EML6: variants seen among roughly 807,000 people sequenced by gnomAD.
The protein encoded by EML6 is EMAP like 6, also known as echinoderm microtubule-associated protein-like 6.
EML6 carries 154 observed loss-of-function variants against 240.1 expected under a neutral mutation model. That is an observed-to-expected ratio of 0.64 (90% CI 0.56 to 0.73). The LOEUF is 0.73. Ranked by LOEUF, EML6 falls within the 30% of genes least tolerant of loss-of-function variation. The pLI is 0.00. For missense variants in EML6, 2,964 were observed against 2,474.6 expected, an observed-to-expected ratio of 1.20 and a Z score of -4.20; for synonymous variants, 1,148 against 899.0, an observed-to-expected ratio of 1.28 and a Z score of -4.95.
At chr2:54,916,406 C>G (rs1413212665) in intron 25 of EML6, among the ~76,000 whole-genome samples, 2 of 152,226 alleles carry the variant, frequency 1.3e-5, no homozygotes, top group Non-Finnish European at 2.9e-5. Flanking sequence ...AAAGAATTTT[C>G]CAGCCTAAGA....
intron 32 of EML6, among the ~76,000 whole-genome samples, chr2:54,955,311 A>G (rs1393103067): frequency 6.6e-6 from 1 of 152,168 alleles, no homozygotes; most frequent in Non-Finnish European, 1.5e-5. Context: ...TGGAGTGGGA[A>G]GAACTAGAGA....
intron 38 of EML6, among the ~76,000 whole-genome samples, chr2:54,965,072 G>A (rs888735036): frequency 8.5e-5 from 13 of 152,104 alleles, no homozygotes; most frequent in African/African-American, 3.1e-4. Flanking sequence ...GCCGCTTCTG[G>A]TATTTATTCA....
At chr2:54,852,740 A>T (rs1410188376) in intron 10 of EML6, among the ~76,000 whole-genome samples, 1 of 152,248 alleles carries the variant, frequency 6.6e-6, no homozygotes, top group Admixed American at 6.5e-5. Flanking sequence ...CACCAGTATT[A>T]TATAAGGGCA....
chr2:54,877,600 C>G (rs1349698107), intron 16 of EML6, among the ~76,000 whole-genome samples: 1 of 152,182 alleles, frequency 6.6e-6, no homozygotes, highest in Non-Finnish European at 1.5e-5. Flanking sequence ...AATAGGAAGT[C>G]ATTACCAATT....
chr2:54,959,215 A>G lies in EML6; in HGVS notation c.4807A>G (p.Thr1603Ala), dbSNP rs1048865626. ...AHTGPVFTMY[T>A]TLRDGLIVTG... is the part of the protein sequence containing the mutation. ...CACAGGCCCCGTGTTCACAATGTAC[A>G]CAACCCTTCGGGATGGACTCATAGT... Residue 1603 changes from threonine (T) to alanine (A), a missense_variant, in exon 34 of 42, where the codon ACA (threonine) becomes GCA (alanine). Transcript: ENST00000356458. The G allele has an allele frequency of 1.9e-6, 3 of 1,551,378 alleles. No homozygotes were observed. The highest frequency in any genetic ancestry group is 2.6e-6 in the Non-Finnish European group (3 of 1,146,858).
chr2:54,847,701 C>T (rs767558143), intron 9 of EML6, 78 bp downstream of exon 9: 6 of 1,454,914 alleles, frequency 4.1e-6, no homozygotes, highest in African/African-American at 1.4e-5. Flanking sequence ...ATAATACATG[C>T]TAGGACCTTA....
chr2:54,816,414 T>A (rs796805421), intron 3 of EML6, among the ~76,000 whole-genome samples: 1 of 152,352 alleles, frequency 6.6e-6, no homozygotes, highest in South Asian at 2.1e-4. Flanking sequence ...TATAGAATTC[T>A]GGGTTCTATT....
At chr2:54,841,488 G>C (rs1669449191) in intron 7 of EML6, among the ~76,000 whole-genome samples, 1 of 151,820 alleles carries the variant, frequency 6.6e-6, no homozygotes, top group South Asian at 2.1e-4. Context: ...GGACCACAGT[G>C]AAGTGATTAA....
At chr2:54,892,100 C>A (rs889879293) in intron 18 of EML6, among the ~76,000 whole-genome samples, 21 of 152,290 alleles carry the variant, frequency 1.4e-4, no homozygotes, top group African/African-American at 4.8e-4. Context: ...TCTTGGCTGA[C>A]ACAGAACTTG....
chr2:54,870,192 C>T (rs1671178543), intron 15 of EML6, among the ~76,000 whole-genome samples: 1 of 152,120 alleles, frequency 6.6e-6, no homozygotes, highest in South Asian at 2.1e-4. Context: ...ACTCGACCTG[C>T]AGGTGGTAAA....
At chr2:54,928,144 A>C (rs1674655429) in intron 26 of EML6, among the ~76,000 whole-genome samples, 169 bp from the exon 27 acceptor site, 1 of 152,248 alleles carries the variant, frequency 6.6e-6, no homozygotes. Context: ...TACTGTTTGA[A>C]GAAAAAAGAG....
intron 17 of EML6, chr2:54,880,222 A>G (rs1267794630): frequency 6.6e-6 from 1 of 152,528 alleles, no homozygotes; most frequent in African/African-American, 2.4e-5. Flanking sequence ...AAGTCTGAAC[A>G]CGACTTTCCA....
intron 35 of EML6, among the ~76,000 whole-genome samples, chr2:54,961,972 C>T (rs927424527): frequency 7.3e-5 from 11 of 151,676 alleles, no homozygotes; most frequent in Non-Finnish European, 1.6e-4. Context: ...CCACTGCACT[C>T]CAGCCTGGGT....
At chr2:54,915,435 C>G (rs1038446458) in intron 25 of EML6, among the ~76,000 whole-genome samples, 3 of 152,100 alleles carry the variant, frequency 2.0e-5, no homozygotes, top group African/African-American at 7.2e-5. Context: ...TTCCCTGCTT[C>G]TCTTCCTGTG....
At chr2:54,853,299 C>T (rs779655244) in intron 10 of EML6, among the ~76,000 whole-genome samples, 26 of 152,094 alleles carry the variant, frequency 1.7e-4, no homozygotes, top group Admixed American at 2.6e-4. Context: ...TAGCTTGAGA[C>T]ATTACATTTA....
At chr2:54,771,368 T>G (rs1668394959) in intron 2 of EML6, among the ~76,000 whole-genome samples, 1 of 152,190 alleles carries the variant, frequency 6.6e-6, no homozygotes, top group Non-Finnish European at 1.5e-5. Context: ...CATTCCTTAC[T>G]CATACAAGAG....
In EML6 at chr2:54,954,127, A is replaced by C. The variant is rs866648663; in HGVS notation, c.4457A>C (p.His1486Pro). 6.4e-7 allele frequency: 1 copy of C among 1,551,296 alleles called. No homozygotes were observed. The change falls in exon 32 of 42, where the codon CAC becomes CCC. Residue 1486 changes from histidine (H) to proline (P), a missense_variant. Transcript: ENST00000356458. ...GTGTCGGTGGGAGTGGACCCTGAGC[A>C]CACCATCACTGTCTGGCGATGGCAG... ...LLVSVGVDPE[H>P]TITVWRWQEG...
At chr2:54,811,955 A>G (rs1341487132) in intron 2 of EML6, among the ~76,000 whole-genome samples, 1 of 152,238 alleles carries the variant, frequency 6.6e-6, no homozygotes, top group South Asian at 2.1e-4. Flanking sequence ...GCTTATGAAG[A>G]TTCCTGAAGA....
intron 11 of EML6, among the ~76,000 whole-genome samples, chr2:54,857,494 G>A (rs1263188295): frequency 6.6e-6 from 1 of 152,206 alleles, no homozygotes; most frequent in Non-Finnish European, 1.5e-5. Context: ...ATGAAAACAA[G>A]CACAAATCCC....
Sources: gnomAD v4.1 joint callset for allele counts (sites outside exome capture counted in the v4.1 genomes callset) on GRCh38, gnomAD v4.1.1 for gene constraint, MANE v1.5 for transcripts, NCBI Gene and HGNC (gene_info 2026-07-23, HGNC 2026-07-21) for gene names.